RFX4: variants seen among roughly 807,000 people sequenced by gnomAD.
RFX4 encodes the protein regulatory factor X4, also known as transcription factor RFX4.
In RFX4, 10 loss-of-function variants were observed where a neutral mutation model predicts 95.0. The ratio of observed to expected loss-of-function variants is 0.11; its 90% confidence interval spans 0.06 to 0.18. The LOEUF (loss-of-function observed/expected upper bound fraction) is 0.18. Ranked by LOEUF, RFX4 falls within the 10% of genes least tolerant of loss-of-function variation. The pLI, the probability that RFX4 is intolerant of heterozygous loss-of-function variation, is 1.00. For missense variants in RFX4, 640 were observed against 922.0 expected (o/e 0.69, Z 3.96); for synonymous variants, 321 against 340.7 (o/e 0.94, Z 0.64).
chr12:106,723,037 G>A (rs975047254), intron 13 of RFX4, among the ~76,000 whole-genome samples: 1 of 152,208 alleles, frequency 6.6e-6, no homozygotes, highest in Non-Finnish European at 1.5e-5. Context: ...AGCGTAGCAG[G>A]CTGACCATTA....
intron 4 of RFX4, among the ~76,000 whole-genome samples, chr12:106,666,347 G>T (rs1426464481): frequency 6.6e-6 from 1 of 151,984 alleles, no homozygotes; most frequent in East Asian, 1.9e-4. Context: ...GTTTGAAAAT[G>T]ATATACCTTG....
At chr12:106,607,751 T>A (rs953875049) in intron 1 of RFX4, among the ~76,000 whole-genome samples, 1 of 149,162 alleles carries the variant, frequency 6.7e-6, no homozygotes, top group African/African-American at 2.5e-5. Context: ...ACTTAGCTGA[T>A]GTTGTTGAAT....
chr12:106,668,570 A>T (rs1010147687), intron 4 of RFX4, among the ~76,000 whole-genome samples: 23 of 152,334 alleles, frequency 1.5e-4, no homozygotes, highest in Non-Finnish European at 2.2e-4. Context: ...CTCTTAAAAA[A>T]ATTTTTTAAA....
At chr12:106,670,088 G>T (rs1229626612) in intron 4 of RFX4, among the ~76,000 whole-genome samples, 1 of 152,268 alleles carries the variant, frequency 6.6e-6, no homozygotes, top group Non-Finnish European at 1.5e-5. Flanking sequence ...CACAGAGCCT[G>T]TAATTATAAA....
intron 3 of RFX4, 57 bp downstream of exon 3, chr12:106,639,449 T>C: frequency 6.9e-7 from 1 of 1,456,874 alleles, no homozygotes; most frequent in South Asian, 1.2e-5. Flanking sequence ...TCTTCTTGTC[T>C]ATAGGATAGG....
chr12:106,719,152 A>T (rs766138279), intron 11 of RFX4, among the ~76,000 whole-genome samples: 3 of 151,982 alleles, frequency 2.0e-5, no homozygotes, highest in Admixed American at 6.6e-5. Flanking sequence ...AAAAAAAAGC[A>T]CTTCCAGATT....
At chr12:106,615,411 A>G (rs1309861531) in intron 2 of RFX4, among the ~76,000 whole-genome samples, 1 of 152,188 alleles carries the variant, frequency 6.6e-6, no homozygotes, top group African/African-American at 2.4e-5. Flanking sequence ...TGGTAGCATA[A>G]GACCTCTTGT....
chr12:106,621,259 C>T lies in RFX4; in HGVS notation c.130+12376C>T, dbSNP rs144550303. ...CCATGAAATCTTCACAATTTATGTTCCTCTGCCACAGCTCCAGCCGGTTCC... is the reference window on the plus strand; with the variant it reads ...CCATGAAATCTTCACAATTTATGTTTCTCTGCCACAGCTCCAGCCGGTTCC... On this transcript the variant is annotated intron_variant, in intron 2 of 17. Coordinates refer to ENST00000392842, the MANE Select transcript of RFX4 (RefSeq NM_213594.3). Among the ~76,000 whole-genome samples, 1,032 of 152,310 alleles carry T rather than the reference C, an allele frequency of 6.8e-3. 16 individuals are homozygous for T. The highest frequency in any genetic ancestry group is 0.023 in the African/African-American group (950 of 41,560).
intron 6 of RFX4, among the ~76,000 whole-genome samples, chr12:106,688,718 G>T (rs4433659): frequency 0.4 from 60,046 of 151,302 alleles, 12,500 homozygotes; most frequent in African/African-American, 0.54. Flanking sequence ...TCAGGTAATT[G>T]AAAAAAACAT....
chr12:106,711,616 ACT>A (rs940315497), intron 10 of RFX4, 105 bp downstream of exon 10: 4 of 863,902 alleles, frequency 4.6e-6, no homozygotes, highest in East Asian at 2.5e-5. Context: ...TTAACAGGGC[ACT>A]CTCTCTATTA....
At chr12:106,587,635 C>G (rs1256622684) in intron 1 of RFX4, among the ~76,000 whole-genome samples, 6 of 152,252 alleles carry the variant, frequency 3.9e-5, no homozygotes, top group South Asian at 2.1e-4. Flanking sequence ...CCAGCCTCCC[C>G]CCTCACCCGT....
At chr12:106,604,576 T>C (rs1255160535) in intron 1 of RFX4, among the ~76,000 whole-genome samples, 1 of 152,210 alleles carries the variant, frequency 6.6e-6, no homozygotes, top group East Asian at 1.9e-4. Context: ...TAGGAAATTC[T>C]ATAGATATGT....
intron 7 of RFX4, among the ~76,000 whole-genome samples, chr12:106,694,905 C>T (rs1349461717): frequency 6.6e-6 from 1 of 152,030 alleles, no homozygotes; most frequent in Non-Finnish European, 1.5e-5. Context: ...GGTGTGGTGG[C>T]ACACACCTAG....
At chr12:106,671,021 A>G (rs1361971883) in intron 4 of RFX4, among the ~76,000 whole-genome samples, 1 of 152,174 alleles carries the variant, frequency 6.6e-6, no homozygotes. Flanking sequence ...ATAAAACAGG[A>G]ACTTGTCATT....
intron 2 of RFX4, among the ~76,000 whole-genome samples, chr12:106,638,161 C>T (rs1050655043): frequency 6.6e-6 from 1 of 151,970 alleles, no homozygotes; most frequent in Admixed American, 6.6e-5. Context: ...GTGCATGCCA[C>T]CACTCCTGGC....
At chr12:106,595,403 T>A (rs1298019364) in intron 1 of RFX4, among the ~76,000 whole-genome samples, 1 of 152,146 alleles carries the variant, frequency 6.6e-6, no homozygotes, top group Non-Finnish European at 1.5e-5. Context: ...ACACTGCCAT[T>A]CTTTGGAGTG....
At chr12:106,651,041 G>A (rs931151666) in intron 3 of RFX4, among the ~76,000 whole-genome samples, 1 of 151,958 alleles carries the variant, frequency 6.6e-6, no homozygotes, top group African/African-American at 2.4e-5. Context: ...ACTCCAAGTG[G>A]GTGCTAAATT....
chr12:106,746,748 T>A (rs2042903458), intron 15 of RFX4, among the ~76,000 whole-genome samples: 1 of 152,200 alleles, frequency 6.6e-6, no homozygotes, highest in Admixed American at 6.5e-5. Flanking sequence ...TCTACTTATG[T>A]TTGCTTAAAG....
At chr12:106,646,431 CAAAAAAAAAAAAAAAAAA>C in intron 3 of RFX4, among the ~76,000 whole-genome samples, 1 of 66,256 alleles carries the variant, frequency 1.5e-5, no homozygotes, top group African/African-American at 5.4e-5. Context: ...TAGTTTTATC[CAAAAAAAAAAAAAAAAAA>C]AAAAAAAAAA....
Sources: gnomAD v4.1 joint callset for allele counts (sites outside exome capture counted in the v4.1 genomes callset) on GRCh38, gnomAD v4.1.1 for gene constraint, MANE v1.5 for transcripts, NCBI Gene and HGNC (gene_info 2026-07-23, HGNC 2026-07-21) for gene names.